STXBP5L: variants seen among roughly 807,000 people sequenced by gnomAD.
STXBP5L encodes syntaxin-binding protein 5-like.
A neutral mutation model predicts 144.5 loss-of-function variants in STXBP5L; 65 were observed. The observed-to-expected ratio is 0.45, with a 90% CI of 0.37 to 0.55. The LOEUF is 0.55. Among genes scored for constraint, STXBP5L ranks in the 20% least tolerant of loss-of-function variants. The pLI is 0.00. For synonymous variants in STXBP5L, 505 were observed against 469.6 expected (o/e 1.08, Z -0.97); for missense variants, 1,298 against 1,405.5 (o/e 0.92, Z 1.22).
At chr3:121,078,042 C>T (rs2042095624) in intron 5 of STXBP5L, among the ~76,000 whole-genome samples, 1 of 151,894 alleles carries the variant, frequency 6.6e-6, no homozygotes, top group African/African-American at 2.4e-5. Flanking sequence ...GGTGTGTTCA[C>T]AAACCTTGAG....
intron 5 of STXBP5L, among the ~76,000 whole-genome samples, chr3:121,062,783 C>T (rs945062594): frequency 1.3e-5 from 2 of 152,136 alleles, no homozygotes; most frequent in Non-Finnish European, 2.9e-5. Context: ...ATTCTTTCTT[C>T]CGCCTGATTG....
At chr3:121,221,231 A>G (rs1357913082) in intron 10 of STXBP5L, among the ~76,000 whole-genome samples, 1 of 151,958 alleles carries the variant, frequency 6.6e-6, no homozygotes, top group Non-Finnish European at 1.5e-5. Context: ...ATATATTAAC[A>G]ACTAACTTCA....
intron 20 of STXBP5L, among the ~76,000 whole-genome samples, chr3:121,343,935 C>T (rs1408334388): frequency 1.2e-4 from 17 of 147,208 alleles, no homozygotes; most frequent in South Asian, 8.4e-4. Context: ...GAGCCTGCAT[C>T]ACCAAGTCAA....
chr3:121,418,568 TAAGTA>T lies in STXBP5L; in HGVS notation c.3447+14_3447+18del. On this transcript the variant is annotated intron_variant, in intron 26 of 26. Coordinates refer to ENST00000471454, the MANE Select transcript of STXBP5L (RefSeq NM_001308330.2). ...AAACATGCACATGAGGTAAACTGCCTAAGTAAATACAGACATCTTCATACAGGAGT... is the reference window on the plus strand; with the variant it reads ...AAACATGCACATGAGGTAAACTGCCTAATACAGACATCTTCATACAGGAGT... 1 of 1,612,982 alleles carries T rather than the reference TAAGTA, an allele frequency of 6.2e-7. No homozygotes were observed. The highest frequency in any genetic ancestry group is 8.5e-7 in the Non-Finnish European group (1 of 1,179,366).
At chr3:121,246,049 C>T (rs570527803) in intron 14 of STXBP5L, among the ~76,000 whole-genome samples, 94 of 152,266 alleles carry the variant, frequency 6.2e-4, no homozygotes, top group African/African-American at 1.9e-3. Context: ...GGGTCCACAA[C>T]CCCTGGGCTG....
chr3:121,138,460 A>G (rs1441971363), intron 7 of STXBP5L, among the ~76,000 whole-genome samples: 2 of 152,146 alleles, frequency 1.3e-5, no homozygotes, highest in African/African-American at 4.8e-5. Flanking sequence ...AGCAGTCTTG[A>G]CCAAAAAGAA....
chr3:121,357,503 G>C (rs1169036044), intron 20 of STXBP5L: 1 of 152,400 alleles, frequency 6.6e-6, no homozygotes, highest in Admixed American at 6.5e-5. Flanking sequence ...ACAGCAAGAT[G>C]CCTTTTGATT....
chr3:121,242,194 A>G (rs1174307652), intron 14 of STXBP5L, among the ~76,000 whole-genome samples: 1 of 152,178 alleles, frequency 6.6e-6, no homozygotes, highest in Non-Finnish European at 1.5e-5. Flanking sequence ...TGGTTCATCA[A>G]GAAGGAAGAA....
At chr3:121,394,470 C>T (rs969339444) in intron 22 of STXBP5L, among the ~76,000 whole-genome samples, 3 of 151,790 alleles carry the variant, frequency 2.0e-5, no homozygotes, top group Middle Eastern at 3.4e-3. Flanking sequence ...AAGTATACAT[C>T]CTTATCTTGT....
intron 5 of STXBP5L, among the ~76,000 whole-genome samples, chr3:121,114,246 T>A (rs1448097225): frequency 6.6e-6 from 1 of 152,102 alleles, no homozygotes; most frequent in African/African-American, 2.4e-5. Context: ...AGAGAGCCCA[T>A]TGTGAAGATG....
rs966193961 is a variant in STXBP5L at position 121,422,987 on chromosome 3, G to A, written c.*3890G>A. The stretch of plus-strand genomic sequence containing the variant: ...ATAGATTCTTATATTCAAGCAGAAG[G>A]GAAAAATGAAGCCAATCTAGAAAAG... On this transcript the variant is annotated 3_prime_UTR_variant, in exon 27 of 27. Transcript: ENST00000471454. The A allele has an allele frequency of 2.0e-5, 3 of 152,010 alleles. No individual in the cohort carries two copies. The highest frequency in any genetic ancestry group is 4.4e-5 in the Non-Finnish European group (3 of 68,010). The allele number at this position is 152,010 out of a possible 1,614,324, so 9.4% of individuals were successfully genotyped here.
rs962326968 is a variant in STXBP5L at position 121,349,739 on chromosome 3, C to G, written c.2177-28977C>G. 9.9e-5 allele frequency among the ~76,000 whole-genome samples: 15 copies of G among 151,928 alleles called. No homozygotes were observed. The East Asian group carries it at 1.5e-3, about 16-fold the overall frequency. On this transcript the variant is annotated intron_variant, in intron 20 of 26. Transcript: ENST00000471454. ...GTCTTCTTTGTCTCTTTAGATCTTT[C>G]TTGGTTTAAAGTCTGTTTTATCAGA...
At chr3:121,173,353 G>A (rs61796883) in intron 9 of STXBP5L, among the ~76,000 whole-genome samples, 22 of 107,430 alleles carry the variant, frequency 2.0e-4, no homozygotes, top group South Asian at 2.7e-4. Flanking sequence ...TAATAATAAT[G>A]ATAATAGAAT....
Position 121,041,273 on chromosome 3 carries a change from TAGA to T in STXBP5L, c.288-423_288-421del, listed in dbSNP as rs1443694626. ...TGATCTCTGAGTTTTAAATTATGCTTAGAAGATTTTTTATATGTCAAGATTATC... is the reference window on the plus strand; with the variant it reads ...TGATCTCTGAGTTTTAAATTATGCTTAGATTTTTTATATGTCAAGATTATC... On this transcript the variant is annotated intron_variant, in intron 3 of 26. Transcript: ENST00000471454. Among the ~76,000 whole-genome samples the T allele has an allele frequency of 3.9e-5, 6 of 152,216 alleles. No individual in the cohort carries two copies. In the East Asian group the frequency reaches 5.8e-4, roughly 15 times the overall value.
At chr3:120,960,622 A>T (rs1055368744) in intron 3 of STXBP5L, among the ~76,000 whole-genome samples, 1 of 152,210 alleles carries the variant, frequency 6.6e-6, no homozygotes, top group Non-Finnish European at 1.5e-5. Flanking sequence ...ACATGGATGA[A>T]GTTGGAAACC....
intron 7 of STXBP5L, among the ~76,000 whole-genome samples, chr3:121,142,941 T>G (rs1406750386): frequency 6.6e-6 from 1 of 151,702 alleles, no homozygotes; most frequent in Non-Finnish European, 1.5e-5. Context: ...AGTTATTATT[T>G]GAAAAGATCA....
At chr3:121,260,094 C>G (rs1272714287) in intron 18 of STXBP5L, among the ~76,000 whole-genome samples, 1 of 152,026 alleles carries the variant, frequency 6.6e-6, no homozygotes, top group Admixed American at 6.6e-5. Context: ...TTCCTACAAC[C>G]TTTCTAACTA....
chr3:121,186,005 T>A (rs1320144049), intron 9 of STXBP5L, among the ~76,000 whole-genome samples: 7 of 152,154 alleles, frequency 4.6e-5, no homozygotes, highest in Non-Finnish European at 2.9e-5. Flanking sequence ...CTTGAAGAGG[T>A]CCTTCATGTC....
At chr3:121,091,106 A>G (rs2042767321) in intron 5 of STXBP5L, among the ~76,000 whole-genome samples, 1 of 149,690 alleles carries the variant, frequency 6.7e-6, no homozygotes, top group East Asian at 2.0e-4. Context: ...AAGGACATGA[A>G]CTCATCATTT....
Sources: gnomAD v4.1 joint callset for allele counts (sites outside exome capture counted in the v4.1 genomes callset) on GRCh38, gnomAD v4.1.1 for gene constraint, MANE v1.5 for transcripts, NCBI Gene and HGNC (gene_info 2026-07-23, HGNC 2026-07-21) for gene names.